TEX11: variants seen among roughly 807,000 people sequenced by gnomAD.
The protein encoded by TEX11 is testis expressed 11.
A neutral mutation model predicts 84.4 loss-of-function variants in TEX11; 7 were observed. The ratio of observed to expected loss-of-function variants is 0.08; its 90% CI spans 0.05 to 0.16. The LOEUF is 0.16. Ranked by LOEUF, TEX11 falls within the 10% of genes least tolerant of loss-of-function variation. The pLI, the probability that TEX11 is intolerant of heterozygous loss-of-function variation, is 1.00. For synonymous variants in TEX11, 264 were observed against 222.8 expected, an observed-to-expected ratio of 1.18 and a Z score of -1.64; for missense variants, 551 against 660.5, an observed-to-expected ratio of 0.83 and a Z score of 1.82.
At chrX:70,725,135 G>T (rs2090589753) in intron 12 of TEX11, 127 bp downstream of exon 12, 1 of 360,610 alleles carries the variant, frequency 2.8e-6, no homozygotes, top group Non-Finnish European at 4.7e-6. Context: ...CCCTTTCCTG[G>T]GTGATCATTT....
At chrX:70,698,816 C>A (rs1402021447) in intron 13 of TEX11, among the ~76,000 whole-genome samples, 5 of 111,383 alleles carry the variant, frequency 4.5e-5, no homozygotes, top group African/African-American at 1.6e-4. Context: ...AGTGAAAATC[C>A]TTATATGGCA....
chrX:70,545,036 C>T (rs2147939037), intron 28 of TEX11, among the ~76,000 whole-genome samples: 1 of 109,353 alleles, frequency 9.1e-6, no homozygotes, highest in Non-Finnish European at 1.9e-5. Flanking sequence ...GAAACCTCGT[C>T]TCCAGTAAAA....
At chrX:70,731,247 C>G (rs1411961424) in intron 11 of TEX11, among the ~76,000 whole-genome samples, 12 of 111,324 alleles carry the variant, frequency 1.1e-4, no homozygotes, top group East Asian at 2.8e-4. Flanking sequence ...AAAAGAATTA[C>G]AGAAGCAAGA....
At position 70,877,626 on chromosome X, in the gene TEX11, C is replaced by T. The variant is rs146261951; in HGVS notation, c.159+2362G>A. Among the ~76,000 whole-genome samples, 257 of 111,955 alleles carry T rather than the reference C, an allele frequency of 2.3e-3. 1 individual carries two copies. The highest frequency in any genetic ancestry group is 8.1e-3 in the African/African-American group (251 of 30,847). On this transcript the variant is annotated intron_variant, in intron 3 of 29. Transcript: ENST00000374333. ...CACAATAGGCAAAAGGTAGATGCAA[C>T]CCAAGTGTCCATCAACAAATGAATG...
At chrX:70,820,092 AGAATC>A (rs1209125218) in intron 8 of TEX11, among the ~76,000 whole-genome samples, 1 of 112,394 alleles carries the variant, frequency 8.9e-6, no homozygotes, top group African/African-American at 3.2e-5. Flanking sequence ...AAATCATAAA[AGAATC>A]CAAATAGCCA....
At chrX:70,634,595 C>A (rs2089547844) in intron 17 of TEX11, among the ~76,000 whole-genome samples, 1 of 102,233 alleles carries the variant, frequency 9.8e-6, no homozygotes. Context: ...GAATAGAGTC[C>A]AGAAAGAGAT....
chrX:70,729,437 G>A (rs2090626763), intron 11 of TEX11, among the ~76,000 whole-genome samples: 1 of 111,453 alleles, frequency 9.0e-6, no homozygotes, highest in East Asian at 2.8e-4. Flanking sequence ...TGGCTAACTA[G>A]AATAACCAAT....
chrX:70,796,587 C>A (rs2091156813), intron 9 of TEX11, among the ~76,000 whole-genome samples: 1 of 111,668 alleles, frequency 9.0e-6, no homozygotes, highest in African/African-American at 3.3e-5. Context: ...AAAGCAATTG[C>A]AACAAAACCA....
At chrX:70,793,228 C>T (rs922678854) in intron 9 of TEX11, among the ~76,000 whole-genome samples, 6 of 111,735 alleles carry the variant, frequency 5.4e-5, no homozygotes, top group African/African-American at 2.0e-4. Context: ...GACAAACCCA[C>T]GGCCAACATC....
chrX:70,638,796 C>CAAA (rs746998217), intron 17 of TEX11, among the ~76,000 whole-genome samples: 1 of 53,925 alleles, frequency 1.9e-5, no homozygotes, highest in Non-Finnish European at 3.1e-5. Context: ...GCAACTGTCT[C>CAAA]AAAAAAAAAA....
At chrX:70,703,225 A>G (rs1419225984) in intron 13 of TEX11, among the ~76,000 whole-genome samples, 5 of 111,780 alleles carry the variant, frequency 4.5e-5, no homozygotes, top group Non-Finnish European at 9.4e-5. Context: ...AATAATAATC[A>G]AAAAAGTTAA....
chrX:70,875,712 TG>T (rs1045764595), intron 3 of TEX11, among the ~76,000 whole-genome samples: 2 of 110,843 alleles, frequency 1.8e-5, no homozygotes, highest in African/African-American at 6.6e-5. Flanking sequence ...ATCGTGCCAC[TG>T]CACTCCAGCC....
intron 8 of TEX11, among the ~76,000 whole-genome samples, chrX:70,811,402 T>C (rs148060820): frequency 0.022 from 2,469 of 111,911 alleles, 65 homozygotes; most frequent in African/African-American, 0.076. Context: ...ATATGTGCCA[T>C]ATTTTCTTAA....
chrX:70,676,201 T>G (rs951880142), intron 15 of TEX11, among the ~76,000 whole-genome samples: 2 of 112,460 alleles, frequency 1.8e-5, no homozygotes, highest in Non-Finnish European at 3.7e-5. Flanking sequence ...TGTGCAAATA[T>G]CTTGCTTTTA....
chrX:70,635,095 A>C (rs1160832872), intron 17 of TEX11, among the ~76,000 whole-genome samples: 1 of 112,252 alleles, frequency 8.9e-6, no homozygotes, highest in Non-Finnish European at 1.9e-5. Flanking sequence ...CCACACATGG[A>C]AATACCTCCA....
chrX:70,598,189 T>C (rs1177456306), intron 24 of TEX11, among the ~76,000 whole-genome samples: 3 of 111,653 alleles, frequency 2.7e-5, no homozygotes, highest in South Asian at 7.5e-4. Context: ...TCTAAATAAA[T>C]AGATAAATGC....
At chrX:70,539,300 C>T (rs1035706638) in intron 28 of TEX11, among the ~76,000 whole-genome samples, 2 of 108,880 alleles carry the variant, frequency 1.8e-5, no homozygotes, top group African/African-American at 3.3e-5. Context: ...TCCCAAAGTG[C>T]TAGGATTACA....
At chrX:70,578,814 A>G (rs1267836207) in intron 25 of TEX11, among the ~76,000 whole-genome samples, 2 of 86,521 alleles carry the variant, frequency 2.3e-5, no homozygotes, top group Admixed American at 1.6e-4. Flanking sequence ...CTTGTTGTCC[A>G]GACTGGAGTG....
intron 9 of TEX11, among the ~76,000 whole-genome samples, chrX:70,778,809 T>C (rs1010437278): frequency 9.0e-6 from 1 of 111,091 alleles, no homozygotes; most frequent in East Asian, 2.8e-4. Flanking sequence ...ACCAAAATGG[T>C]ATGAAACTAG....
Sources: allele counts gnomAD v4.1 joint callset (sites outside exome capture counted in the v4.1 genomes callset), GRCh38; gene constraint gnomAD v4.1.1; transcripts MANE v1.5; gene names NCBI Gene and HGNC (gene_info 2026-07-23, HGNC 2026-07-21).